The following TNFRSF10A variants were observed in gnomAD, a reference collection of about 807,000 sequenced individuals.
TNFRSF10A encodes the protein tumor necrosis factor receptor superfamily member 10A.
TNFRSF10A carries 44 observed loss-of-function variants against 42.8 expected under a neutral mutation model. That is an observed-to-expected ratio of 1.03 (90% CI 0.81 to 1.32). The LOEUF (loss-of-function observed/expected upper bound fraction) is 1.32. TNFRSF10A is among the 40% of genes most tolerant of loss of function. The pLI is 0.00. For missense variants in TNFRSF10A, 680 were observed against 602.0 expected, an observed-to-expected ratio of 1.13 and a Z score of -1.36; for synonymous variants, 259 against 234.2, an observed-to-expected ratio of 1.11 and a Z score of -0.97.
chr8:23,212,643 T>G (rs1302706050), intron 1 of TNFRSF10A, among the ~76,000 whole-genome samples: 18 of 152,264 alleles, frequency 1.2e-4, no homozygotes, highest in African/African-American at 3.9e-4. Context: ...TTTTAGCTAT[T>G]GTGAATAAAG....
intron 2 of TNFRSF10A, among the ~76,000 whole-genome samples, chr8:23,204,498 T>C (rs1427820976): frequency 6.6e-6 from 1 of 152,176 alleles, no homozygotes; most frequent in Non-Finnish European, 1.5e-5. Context: ...CAAAAAAATC[T>C]AGAAAGAACA....
intron 1 of TNFRSF10A, among the ~76,000 whole-genome samples, chr8:23,216,209 A>C (rs1365574275): frequency 2.0e-5 from 3 of 151,970 alleles, no homozygotes; most frequent in Non-Finnish European, 4.4e-5. Context: ...TATTTCATTG[A>C]TTTCAGTCTT....
At chr8:23,198,716 T>C (rs184187487) in intron 8 of TNFRSF10A, among the ~76,000 whole-genome samples, 6 of 152,292 alleles carry the variant, frequency 3.9e-5, no homozygotes, top group African/African-American at 7.2e-5. Context: ...TGTGTACCTG[T>C]ATGTGTGGGT....
chr8:23,197,159 G>A lies in TNFRSF10A; in HGVS notation c.1060C>T (p.Pro354Ser), dbSNP rs2128846908. The change falls in exon 9 of 10, where the codon CCA (proline) becomes TCA (serine). Residue 354 changes from proline to serine, a missense_variant. Transcript: ENST00000221132. Reference protein sequence around the residue: ...EGSQRRRLLVPANGADPTETL... With the variant: ...EGSQRRRLLVSANGADPTETL... ...TCAGTGGGGTCAGCACCATTTGCTGGAACCAGCAGCCTCCTCCTCTGAGAC... is the reference window on the plus strand; with the variant it reads ...TCAGTGGGGTCAGCACCATTTGCTGAAACCAGCAGCCTCCTCCTCTGAGAC... 1 of 1,614,124 alleles carries A rather than the reference G, an allele frequency of 6.2e-7. No individual in the cohort carries two copies. The highest frequency in any genetic ancestry group is 1.3e-5 in the African/African-American group (1 of 75,030).
At chr8:23,197,899 C>A (rs1312184864) in intron 8 of TNFRSF10A, among the ~76,000 whole-genome samples, 1 of 152,206 alleles carries the variant, frequency 6.6e-6, no homozygotes, top group Non-Finnish European at 1.5e-5. Flanking sequence ...AGGATGCTCT[C>A]TTTACTTACT....
intron 1 of TNFRSF10A, among the ~76,000 whole-genome samples, chr8:23,212,860 A>G (rs1801109502): frequency 6.6e-6 from 1 of 152,264 alleles, no homozygotes; most frequent in Non-Finnish European, 1.5e-5. Context: ...GATCAGGAAC[A>G]AGACATGGAG....
intron 2 of TNFRSF10A, among the ~76,000 whole-genome samples, chr8:23,206,258 C>T (rs1801006532): frequency 1.3e-5 from 2 of 152,010 alleles, no homozygotes; most frequent in African/African-American, 4.8e-5. Flanking sequence ...AAAAAATTTA[C>T]AGATTTGGTG....
At chr8:23,208,021 T>C (rs1012470591) in intron 2 of TNFRSF10A, among the ~76,000 whole-genome samples, 2 of 151,628 alleles carry the variant, frequency 1.3e-5, no homozygotes, top group African/African-American at 4.8e-5. Flanking sequence ...GTTGGAACAG[T>C]TTGGAGGGCT....
At chr8:23,202,177 C>G (rs1034168886) in intron 3 of TNFRSF10A, among the ~76,000 whole-genome samples, 280 of 151,134 alleles carry the variant, frequency 1.9e-3, no homozygotes, top group African/African-American at 5.9e-3. Context: ...CCATTTAGAT[C>G]GCATGGTCAG....
intron 9 of TNFRSF10A, among the ~76,000 whole-genome samples, chr8:23,194,010 G>C (rs939901631): frequency 1.3e-5 from 2 of 152,162 alleles, no homozygotes; most frequent in Admixed American, 6.5e-5. Flanking sequence ...GGAGTCTGCA[G>C]AGGTTTGGCC....
intron 2 of TNFRSF10A, among the ~76,000 whole-genome samples, chr8:23,205,663 ATGT>A (rs1298740485): frequency 6.7e-6 from 1 of 149,598 alleles, no homozygotes; most frequent in Non-Finnish European, 1.5e-5. Flanking sequence ...AAAGACAGTG[ATGT>A]TGATGAACCT....
chr8:23,212,912 C>A (rs1217418307), intron 1 of TNFRSF10A, among the ~76,000 whole-genome samples: 5 of 152,160 alleles, frequency 3.3e-5, no homozygotes, highest in African/African-American at 1.2e-4. Context: ...TAATGCGGGG[C>A]CCACACGAAG....
Position 23,191,777 on chromosome 8 carries a change from C to A in TNFRSF10A, c.1324G>T (p.Glu442Ter), listed in dbSNP as rs769626240. The part of the protein sequence containing the change: ...LERMEERHAR[E>*]KIQDLLVDSG... ...TCCACCAAGAGGTCCTGAATCTTCT[C>A]TCTTGCATGTCTCTCTTCCATCCTC... The change falls in exon 10 of 10, where the codon GAG becomes TAG. Residue 442 changes from glutamate (E) to a stop codon, truncating the protein, a stop_gained. Coordinates refer to ENST00000221132, the MANE Select transcript of TNFRSF10A (RefSeq NM_003844.4). LOFTEE classifies it low-confidence loss of function (END_TRUNC). 1 of 1,614,152 alleles carries A rather than the reference C, an allele frequency of 6.2e-7. No individual in the cohort carries two copies. Among genetic ancestry groups the A allele is most frequent in the Non-Finnish European group, 8.5e-7 (1 of 1,180,032 alleles).
chr8:23,221,528 G>A (rs570666380), intron 1 of TNFRSF10A, among the ~76,000 whole-genome samples: 29 of 152,308 alleles, frequency 1.9e-4, no homozygotes, highest in African/African-American at 7.0e-4. Flanking sequence ...CCTGGGGTGA[G>A]AAACTGAGCT....
intron 1 of TNFRSF10A, among the ~76,000 whole-genome samples, chr8:23,217,918 C>T (rs781651935): frequency 1.3e-5 from 2 of 152,196 alleles, no homozygotes; most frequent in Non-Finnish European, 2.9e-5. Flanking sequence ...CCACTGGTGG[C>T]AGGGACACCG....
At chr8:23,206,509 C>G (rs1801011328) in intron 2 of TNFRSF10A, among the ~76,000 whole-genome samples, 2 of 152,204 alleles carry the variant, frequency 1.3e-5, no homozygotes, top group South Asian at 4.1e-4. Flanking sequence ...TTACAATTGT[C>G]TACTAGTACA....
intron 1 of TNFRSF10A, among the ~76,000 whole-genome samples, chr8:23,222,832 G>T (rs983105112): frequency 6.6e-6 from 1 of 152,038 alleles, no homozygotes; most frequent in African/African-American, 2.4e-5. Flanking sequence ...CTGGTTGTTA[G>T]AATGAACCTG....
intron 4 of TNFRSF10A, 22 bp from the exon 5 acceptor site, chr8:23,200,782 G>GT: frequency 6.5e-7 from 1 of 1,535,876 alleles, no homozygotes; most frequent in African/African-American, 1.5e-5. Context: ...CAGGGAGGGA[G>GT]GGGGGGGACT....
chr8:23,223,539 C>T (rs1485808287), intron 1 of TNFRSF10A, among the ~76,000 whole-genome samples: 2 of 152,206 alleles, frequency 1.3e-5, no homozygotes, highest in African/African-American at 4.8e-5. Flanking sequence ...ACGTGGGTTC[C>T]ACCTAACATA....
Sources: allele counts gnomAD v4.1 joint callset (sites outside exome capture counted in the v4.1 genomes callset), GRCh38; gene constraint gnomAD v4.1.1; transcripts MANE v1.5; gene names NCBI Gene and HGNC (gene_info 2026-07-23, HGNC 2026-07-21).